ENOX2: variants seen among roughly 807,000 people sequenced by gnomAD.
ENOX2 encodes APK1 antigen.
Under a neutral mutation model 45.0 loss-of-function variants are expected in ENOX2, and 36 were observed. The ratio of observed to expected loss-of-function variants is 0.80; its 90% CI spans 0.61 to 1.06. The LOEUF is 1.06. Ranked by LOEUF, ENOX2 falls within the 50% of genes least tolerant of loss-of-function variation. The pLI is 0.00. For synonymous variants in ENOX2, 174 were observed against 152.3 expected, an observed-to-expected ratio of 1.14 and a Z score of -1.05; for missense variants, 423 against 462.5, an observed-to-expected ratio of 0.91 and a Z score of 0.78.
intron 2 of ENOX2, among the ~76,000 whole-genome samples, chrX:130,821,470 T>C (rs1190727001): frequency 0.013 from 997 of 79,141 alleles, 7 homozygotes; most frequent in Non-Finnish European, 0.018. Context: ...ATATTCTCAC[T>C]CATAGGTGGG....
intron 2 of ENOX2, among the ~76,000 whole-genome samples, chrX:130,886,110 C>T (rs1044938312): frequency 3.6e-5 from 4 of 112,444 alleles, no homozygotes; most frequent in African/African-American, 1.3e-4. Flanking sequence ...GCAGACAATT[C>T]AATTCAGCAG....
At chrX:130,845,625 C>A (rs1439704362) in intron 2 of ENOX2, among the ~76,000 whole-genome samples, 7 of 111,796 alleles carry the variant, frequency 6.3e-5, no homozygotes, top group Non-Finnish European at 1.1e-4. Flanking sequence ...GCCACCACAC[C>A]CGGCTAATTT....
intron 6 of ENOX2, among the ~76,000 whole-genome samples, chrX:130,678,087 T>TA (rs371260035): frequency 8.9e-4 from 87 of 97,842 alleles, no homozygotes; most frequent in African/African-American, 1.1e-3. Flanking sequence ...GACTCCATCT[T>TA]AAAAAAAAAA....
At chrX:130,685,041 T>C (rs891096522) in intron 5 of ENOX2, among the ~76,000 whole-genome samples, 1 of 111,995 alleles carries the variant, frequency 8.9e-6, no homozygotes, top group Non-Finnish European at 1.9e-5. Context: ...AATTTTTAAA[T>C]AGGTTATCAG....
intron 2 of ENOX2, among the ~76,000 whole-genome samples, chrX:130,862,164 T>TC (rs1569322167): frequency 9.0e-6 from 1 of 111,412 alleles, no homozygotes; most frequent in Non-Finnish European, 1.9e-5. Flanking sequence ...CAAGATCTGC[T>TC]CCCTCCCTCT....
intron 9 of ENOX2, among the ~76,000 whole-genome samples, chrX:130,657,305 T>A (rs2036574178): frequency 8.9e-6 from 1 of 111,906 alleles, no homozygotes. Flanking sequence ...AGCTGACACT[T>A]GGAAGAAAGG....
chrX:130,718,139 T>C (rs1031427532), intron 3 of ENOX2, among the ~76,000 whole-genome samples: 6 of 109,970 alleles, frequency 5.5e-5, no homozygotes, highest in Non-Finnish European at 5.7e-5. Flanking sequence ...GCTAGAGGAG[T>C]AGTTAGTGAT....
intron 5 of ENOX2, among the ~76,000 whole-genome samples, chrX:130,684,294 C>T (rs1232812885): frequency 1.8e-5 from 2 of 111,798 alleles, no homozygotes; most frequent in African/African-American, 6.5e-5. Context: ...GAGGTTGAGA[C>T]CAAGGAGGTT....
chrX:130,860,005 G>T (rs2078383809), intron 2 of ENOX2, among the ~76,000 whole-genome samples: 2 of 109,350 alleles, frequency 1.8e-5, no homozygotes, highest in South Asian at 8.2e-4. Context: ...ACCCAGGCTG[G>T]AGTGCAGTGG....
intron 3 of ENOX2, among the ~76,000 whole-genome samples, chrX:130,731,677 T>C (rs1192726442): frequency 8.9e-6 from 1 of 112,285 alleles, no homozygotes; most frequent in Non-Finnish European, 1.9e-5. Flanking sequence ...CAAATGGGAT[T>C]TATCCCTAGG....
At chrX:130,811,582 G>A (rs1031343730) in intron 2 of ENOX2, among the ~76,000 whole-genome samples, 3 of 112,263 alleles carry the variant, frequency 2.7e-5, no homozygotes, top group Middle Eastern at 4.6e-3. Context: ...TTTTGGAGAC[G>A]AAGCCAGTTT....
intron 3 of ENOX2, among the ~76,000 whole-genome samples, chrX:130,720,926 G>A (rs781069434): frequency 5.4e-5 from 6 of 111,677 alleles, no homozygotes; most frequent in African/African-American, 1.6e-4. Context: ...ATGGGATGTC[G>A]GCACATTCCC....
chrX:130,719,447 C>A (rs1160367594), intron 3 of ENOX2, among the ~76,000 whole-genome samples: 1 of 104,763 alleles, frequency 9.5e-6, no homozygotes, highest in South Asian at 4.5e-4. Context: ...GCCACATGCC[C>A]ATCTGCTGCT....
intron 2 of ENOX2, among the ~76,000 whole-genome samples, chrX:130,805,684 C>T (rs1396983958): frequency 9.0e-6 from 1 of 111,578 alleles, no homozygotes; most frequent in African/African-American, 3.3e-5. Context: ...ATGGTCCTCT[C>T]GCTACCTTGC....
At chrX:130,697,609 A>G (rs1217526056) in intron 4 of ENOX2, among the ~76,000 whole-genome samples, 3 of 111,958 alleles carry the variant, frequency 2.7e-5, no homozygotes, top group Non-Finnish European at 5.6e-5. Context: ...TATTGGAGTC[A>G]CTATGAGGGT....
chrX:130,689,002 A>T lies in ENOX2; in HGVS notation c.114T>A (p.Leu38=), dbSNP rs1337950175. 4.1e-6 allele frequency: 5 copies of T among 1,208,412 alleles called. No homozygotes were observed. Among genetic ancestry groups the T allele is most frequent in the Non-Finnish European group, 5.6e-6 (5 of 893,500 alleles). ...TTGGTGGAATTCCAGTCATCATTCCAAGAGCAGGATCAAAGTCTAAAAAAG... is the reference window on the plus strand; with the variant it reads ...TTGGTGGAATTCCAGTCATCATTCCTAGAGCAGGATCAAAGTCTAAAAAAG... ...QPILPDFDPA[L]GMMTGIPPIT... Residue 38 remains leucine (L), a synonymous_variant, in exon 5 of 15, where the codon CTT becomes CTA. Transcript: ENST00000394363.
At chrX:130,791,136 T>A (rs929527136) in intron 2 of ENOX2, among the ~76,000 whole-genome samples, 4 of 111,503 alleles carry the variant, frequency 3.6e-5, no homozygotes, top group African/African-American at 1.3e-4. Flanking sequence ...AGGATTTTTT[T>A]ATTATAAAAT....
chrX:130,832,028 A>T (rs1311320856), intron 2 of ENOX2, among the ~76,000 whole-genome samples: 2 of 110,727 alleles, frequency 1.8e-5, no homozygotes, highest in South Asian at 3.9e-4. Flanking sequence ...GCCAACCTTT[A>T]ATCAGCAGGT....
intron 4 of ENOX2, 76 bp downstream of exon 4, chrX:130,703,043 GT>G (rs1358488387): frequency 3.5e-5 from 34 of 985,137 alleles, no homozygotes; most frequent in Non-Finnish European, 4.6e-5. Flanking sequence ...TTCAAAATAA[GT>G]TGTGTCATAC....
Sources: gnomAD v4.1 joint callset for allele counts (sites outside exome capture counted in the v4.1 genomes callset) on GRCh38, gnomAD v4.1.1 for gene constraint, MANE v1.5 for transcripts, NCBI Gene and HGNC (gene_info 2026-07-23, HGNC 2026-07-21) for gene names.